The following CCM2L variants were observed in gnomAD, a reference collection of about 807,000 sequenced individuals.
CCM2L encodes cerebral cavernous malformations 2 protein-like.
CCM2L carries 36 observed loss-of-function variants against 54.1 expected under a neutral mutation model. The observed-to-expected ratio is 0.67, with a 90% CI of 0.51 to 0.88. CCM2L has a LOEUF of 0.88. Ranked by LOEUF, CCM2L falls within the 40% of genes least tolerant of loss-of-function variation. The pLI, the probability that CCM2L is intolerant of heterozygous loss-of-function variation, is 0.00. For synonymous variants in CCM2L, 351 were observed against 359.3 expected, an observed-to-expected ratio of 0.98 and a Z score of 0.26; for missense variants, 700 against 812.1, an observed-to-expected ratio of 0.86 and a Z score of 1.68.
chr20:32,018,538 T>C (rs1568915446), intron 4 of CCM2L, among the ~76,000 whole-genome samples: 2 of 141,226 alleles, frequency 1.4e-5, no homozygotes, highest in Admixed American at 7.0e-5. Context: ...GGGCGGGGCC[T>C]GATTCCAGGG....
Position 32,031,068 on chromosome 20 carries a change from C to T in CCM2L, c.1470C>T (p.Ile490=). 7.7e-7 allele frequency: 1 copy of T among 1,304,294 alleles called. No individual in the cohort carries two copies. The highest frequency in any genetic ancestry group is 1.0e-6 in the Non-Finnish European group (1 of 988,954). The allele number at this position is 1,304,294 out of a possible 1,614,324, so 80.8% of individuals were successfully genotyped here. ...AGGGCTTCCTGGAGGGCGTGGGCAT[C>T]CGCGAGGGCGGCATCCTCACTGACA... ...YFEGFLEGVG[I]REGGILTDSF... Residue 490 remains isoleucine, a synonymous_variant, in exon 10 of 10, where the codon ATC becomes ATT. Transcript: ENST00000452892.
Position 32,022,784 on chromosome 20 carries a change from T to A in CCM2L, c.1058T>A (p.Leu353His). 13 of 1,613,012 alleles carry A rather than the reference T, an allele frequency of 8.1e-6. No homozygotes were observed. Among genetic ancestry groups the A allele is most frequent in the Non-Finnish European group, 1.0e-5 (12 of 1,180,020 alleles). The change falls in exon 6 of 10, where the codon CTC (leucine) becomes CAC (histidine). Residue 353 changes from leucine to histidine, a missense_variant. Physicochemically the swap from Leu to His is moderately conservative, Grantham distance 99 (BLOSUM62 -3). Coordinates refer to ENST00000452892, the MANE Select transcript of CCM2L (RefSeq NM_001365692.1). ...HYTSTPERPW[L>H]CSRSESCHTD... The stretch of plus-strand genomic sequence containing the variant: ...ACATCCACACCTGAACGGCCATGGC[T>A]CTGCAGCCGCAGTGAGTACCAGAAC...
chr20:32,012,003 C>T (rs1038165722), intron 1 of CCM2L, among the ~76,000 whole-genome samples: 1 of 151,898 alleles, frequency 6.6e-6, no homozygotes, highest in Non-Finnish European at 1.5e-5. Flanking sequence ...ACTGACTGCA[C>T]ACAGCTTCTC....
rs2064925016 is a variant in CCM2L at position 32,031,315 on chromosome 20, C to T, written c.*1C>T. ...CGCCGCAGAAGACAACTACCTGTAGCCACCGCCCCTGCGGACGGCGTGGCT... is the reference window on the plus strand; with the variant it reads ...CGCCGCAGAAGACAACTACCTGTAGTCACCGCCCCTGCGGACGGCGTGGCT... On this transcript the variant is annotated 3_prime_UTR_variant, in exon 10 of 10. Transcript: ENST00000452892. 2.4e-6 allele frequency: 3 copies of T among 1,267,190 alleles called. No individual in the cohort carries two copies. Among genetic ancestry groups the T allele is most frequent in the East Asian group, 5.7e-5 (1 of 17,610 alleles). The allele number at this position is 1,267,190 out of a possible 1,614,324, so 78.5% of individuals were successfully genotyped here.
At chr20:32,011,950 C>A (rs2064698981) in intron 1 of CCM2L, among the ~76,000 whole-genome samples, 1 of 151,580 alleles carries the variant, frequency 6.6e-6, no homozygotes, top group Admixed American at 6.6e-5. Context: ...AGCTCCATAG[C>A]CGGCATTCAA....
At chr20:32,018,511 G>C (rs1285054898) in intron 4 of CCM2L, among the ~76,000 whole-genome samples, 1 of 151,932 alleles carries the variant, frequency 6.6e-6, no homozygotes, top group East Asian at 1.9e-4. Flanking sequence ...TGAGGCTAGA[G>C]TGGACCCTTG....
intron 5 of CCM2L, among the ~76,000 whole-genome samples, chr20:32,022,381 C>T (rs1349374969): frequency 1.3e-5 from 2 of 152,132 alleles, no homozygotes. Context: ...TAAATTAGGA[C>T]TTATCTTAGA....
At position 32,017,966 on chromosome 20, in the gene CCM2L, C is replaced by T; in HGVS notation, c.283-13C>T. The T allele has an allele frequency of 6.2e-7, 1 of 1,613,378 alleles. No homozygotes were observed. Among genetic ancestry groups the T allele is most frequent in the Non-Finnish European group, 8.5e-7 (1 of 1,179,834 alleles). On this transcript the variant is annotated splice_polypyrimidine_tract_variant and intron_variant, in intron 3 of 9. Coordinates refer to ENST00000452892, the MANE Select transcript of CCM2L (RefSeq NM_001365692.1). ...GCGGACCTCGGGAACTCGAGATCTG[C>T]CCCTCCCTGCAGCAGCTGAAGGAGC... is the stretch of plus-strand genomic sequence containing the variant.
intron 8 of CCM2L, 130 bp from the exon 9 acceptor site, chr20:32,029,570 A>G: frequency 1.7e-6 from 2 of 1,184,244 alleles, no homozygotes; most frequent in Non-Finnish European, 2.3e-6. Flanking sequence ...TGTCCTCTGA[A>G]TAGCCCATGG....
intron 1 of CCM2L, among the ~76,000 whole-genome samples, chr20:32,014,240 T>C (rs530644542): frequency 7.1e-6 from 1 of 141,400 alleles, no homozygotes; most frequent in Non-Finnish European, 1.5e-5. Context: ...TATATATATG[T>C]GTGTACATAT....
At chr20:32,018,809 G>T (rs886533162) in intron 4 of CCM2L, 134 bp from the exon 5 acceptor site, 2 of 1,102,510 alleles carry the variant, frequency 1.8e-6, no homozygotes, top group Non-Finnish European at 2.3e-6. Flanking sequence ...GAACCGCCGC[G>T]CTACTTTAAA....
intron 5 of CCM2L, among the ~76,000 whole-genome samples, chr20:32,020,671 A>T (rs1441851802): frequency 6.6e-6 from 1 of 152,108 alleles, no homozygotes; most frequent in Non-Finnish European, 1.5e-5. Flanking sequence ...CACACACCCC[A>T]TATCCACTCT....
chr20:32,014,909 T>C lies in CCM2L; in HGVS notation c.36T>C (p.Phe12=). 6.3e-7 allele frequency: 1 copy of C among 1,599,500 alleles called. No individual in the cohort carries two copies. Among genetic ancestry groups the C allele is most frequent in the Non-Finnish European group, 8.5e-7 (1 of 1,173,356 alleles). Reference sequence around the variant, plus strand: ...ATTCCTCCTCTCCTCCCCAGGGCTTTGTATCCCCCATCCGAAGGCTGGTGT... The same window carrying C: ...ATTCCTCCTCTCCTCCCCAGGGCTTCGTATCCCCCATCCGAAGGCTGGTGT... The part of the protein sequence containing the change: ...EYEVKKGKKG[F]VSPIRRLVFP... The change falls in exon 2 of 10, where the codon TTT becomes TTC. Residue 12 remains phenylalanine, a synonymous_variant. Coordinates refer to ENST00000452892, the MANE Select transcript of CCM2L (RefSeq NM_001365692.1).
At chr20:32,017,775 T>C in intron 2 of CCM2L, 25 bp from the exon 3 acceptor site, 2 of 1,603,504 alleles carry the variant, frequency 1.2e-6, no homozygotes, top group Non-Finnish European at 1.7e-6. Context: ...CTCTGTGTCC[T>C]TCTCTCACCC....
In CCM2L at chr20:32,027,008, C is replaced by A. The variant is rs186621786; in HGVS notation, c.1133+1089C>A. Among the ~76,000 whole-genome samples the A allele has an allele frequency of 1.5e-4, 23 of 152,224 alleles. No homozygotes were observed. In the East Asian group the frequency reaches 4.2e-3, roughly 28 times the overall value. On this transcript the variant is annotated intron_variant, in intron 7 of 9. Coordinates refer to ENST00000452892, the MANE Select transcript of CCM2L (RefSeq NM_001365692.1). The stretch of plus-strand genomic sequence containing the variant: ...GACCAGTCTGGGCAACATAGGGAGA[C>A]CCTGTCTCTATTGAAATAAATAAAT...
At chr20:32,025,589 AAC>A (rs1028032821) in intron 6 of CCM2L, among the ~76,000 whole-genome samples, 3 of 152,066 alleles carry the variant, frequency 2.0e-5, no homozygotes, top group African/African-American at 7.2e-5. Flanking sequence ...TCTTGCCTGA[AAC>A]ACACAGTTTA....
At chr20:32,029,576 C>T (rs1007011521) in intron 8 of CCM2L, 124 bp from the exon 9 acceptor site, 16 of 1,241,848 alleles carry the variant, frequency 1.3e-5, no homozygotes, top group Non-Finnish European at 1.6e-5. Context: ...CTGAATAGCC[C>T]ATGGGAAGGT....
At chr20:32,018,903 T>C in intron 4 of CCM2L, 40 bp from the exon 5 acceptor site, 1 of 1,268,546 alleles carries the variant, frequency 7.9e-7, no homozygotes, top group Non-Finnish European at 9.9e-7. Flanking sequence ...GGTCTCTGAG[T>C]CCCGATCCCC....
In CCM2L at chr20:32,015,859, C is replaced by CT. The variant is rs199989562; in HGVS notation, c.198+803dup. 2.2e-3 allele frequency among the ~76,000 whole-genome samples: 281 copies of CT among 127,842 alleles called. 6 individuals carry two copies. Among genetic ancestry groups the CT allele is most frequent in the South Asian group, 3.8e-3 (16 of 4,176 alleles). The allele number at this position is 127,842 out of a possible 152,430, so 83.9% of individuals were successfully genotyped here. Reference sequence around the variant, plus strand: ...CTTCCACCACTTAGGAGCTGTACTTCTTTTTTTTTTTTTTTGAGACAGAGT... The same window carrying CT: ...CTTCCACCACTTAGGAGCTGTACTTCTTTTTTTTTTTTTTTTGAGACAGAGT... On this transcript the variant is annotated intron_variant, in intron 2 of 9. Transcript: ENST00000452892.
Sources: allele counts gnomAD v4.1 joint callset (sites outside exome capture counted in the v4.1 genomes callset), GRCh38; gene constraint gnomAD v4.1.1; transcripts MANE v1.5; gene names NCBI Gene and HGNC (gene_info 2026-07-23, HGNC 2026-07-21).